Variants in UBE3A observed in about 807,000 individuals in gnomAD.
UBE3A encodes the protein ubiquitin-protein ligase E3A.
Under a neutral mutation model 83.4 loss-of-function variants are expected in UBE3A, and 6 were observed. The observed-to-expected ratio is 0.07, with a 90% CI of 0.04 to 0.14. The LOEUF is 0.14. Ranked by LOEUF, UBE3A falls within the 10% of genes least tolerant of loss-of-function variation. The pLI, the probability that UBE3A is intolerant of heterozygous loss-of-function variation, is 1.00. For missense variants in UBE3A, 456 were observed against 1,036.1 expected, an observed-to-expected ratio of 0.44 and a Z score of 7.69; for synonymous variants, 337 against 355.4, an observed-to-expected ratio of 0.95 and a Z score of 0.58.
At chr15:25,352,926 A>G (rs1335457131) in intron 11 of UBE3A, among the ~76,000 whole-genome samples, 1 of 152,160 alleles carries the variant, frequency 6.6e-6, no homozygotes, top group East Asian at 1.9e-4. Context: ...CCAAGTAGGG[A>G]TTATGTTGTT....
intron 1 of UBE3A, among the ~76,000 whole-genome samples, chr15:25,430,185 TA>T (rs1892913714): frequency 2.5e-4 from 1 of 3,964 alleles, no homozygotes; most frequent in Non-Finnish European, 4.8e-4. Context: ...ATTATATATA[TA>T]ATACATATAT....
chr15:25,346,193 C>G (rs543514677), intron 11 of UBE3A: 2 of 152,408 alleles, frequency 1.3e-5, no homozygotes, highest in East Asian at 3.9e-4. Flanking sequence ...CTCCAGCCCA[C>G]GAAAATCTAG....
chr15:25,390,991 T>C (rs1370364299), intron 4 of UBE3A, among the ~76,000 whole-genome samples: 1 of 151,944 alleles, frequency 6.6e-6, no homozygotes, highest in Non-Finnish European at 1.5e-5. Context: ...CCAGTAATCC[T>C]ACACCTGGGT....
intron 6 of UBE3A, among the ~76,000 whole-genome samples, chr15:25,363,650 T>C (rs2078508957): frequency 6.6e-6 from 1 of 152,196 alleles, no homozygotes; most frequent in African/African-American, 2.4e-5. Context: ...CTCACTCTCT[T>C]CAATGACGAC....
intron 1 of UBE3A, among the ~76,000 whole-genome samples, chr15:25,419,967 A>C (rs1888947621): frequency 6.6e-6 from 1 of 152,142 alleles, no homozygotes; most frequent in Non-Finnish European, 1.5e-5. Flanking sequence ...AGAAGGCAGA[A>C]AAGGAAGAAA....
At chr15:25,374,600 T>TTATA (rs1446388690) in intron 5 of UBE3A, 5 of 152,172 alleles carry the variant, frequency 3.3e-5, no homozygotes, top group Non-Finnish European at 5.9e-5. Context: ...AGAGTAGAGG[T>TTATA]TATAACACAA....
chr15:25,403,526 G>A (rs1276819800), intron 4 of UBE3A, among the ~76,000 whole-genome samples: 2 of 152,002 alleles, frequency 1.3e-5, no homozygotes, highest in African/African-American at 4.8e-5. Flanking sequence ...ACGCAAATAG[G>A]TACAGTTGCT....
intron 1 of UBE3A, among the ~76,000 whole-genome samples, chr15:25,412,800 T>C (rs1174345335): frequency 6.6e-6 from 1 of 152,170 alleles, no homozygotes; most frequent in East Asian, 1.9e-4. Flanking sequence ...TGAAATAAAA[T>C]TAACCAACTT....
Position 25,354,413 on chromosome 15 carries a change from T to C in UBE3A, c.2294A>G (p.Gln765Arg), listed in dbSNP as rs574852534. 6.2e-7 allele frequency: 1 copy of C among 1,614,000 alleles called. No homozygotes were observed. Among genetic ancestry groups the C allele is most frequent in the East Asian group, 2.2e-5 (1 of 44,836 alleles). The change falls in exon 11 of 13, where the codon CAA (glutamine) becomes CGA (arginine). Residue 765 changes from glutamine (Q) to arginine (R), a missense_variant. By Grantham distance (43) the Gln-to-Arg change is conservative. Transcript: ENST00000648336. Reference protein sequence around the residue: ...LICGSRNLDFQALEETTEYDG... With the variant: ...LICGSRNLDFRALEETTEYDG... ...ATATTCTGTAGTTTCTTCTAGTGCT[T>C]GGAAATCTAGATTCTGCAAATTCAA...
intron 5 of UBE3A, among the ~76,000 whole-genome samples, chr15:25,373,112 T>G (rs1194020538): frequency 1.3e-5 from 2 of 152,190 alleles, no homozygotes; most frequent in African/African-American, 2.4e-5. Context: ...TATAAGCATC[T>G]TTTGCTAAAC....
At position 25,356,954 on chromosome 15, in the gene UBE3A, A is replaced by C. The variant is rs10519485; in HGVS notation, c.1754-58T>G. 29,241 of 1,359,076 alleles carry C rather than the reference A, an allele frequency of 0.022. 462 individuals are homozygous for C. Among genetic ancestry groups the C allele is most frequent in the Non-Finnish European group, 0.024 (23,157 of 962,210 alleles). 84.2% of individuals were successfully genotyped at this position (1,359,076 alleles called of 1,614,324 possible). On this transcript the variant is annotated intron_variant, in intron 7 of 12. Coordinates refer to ENST00000648336, the MANE Select transcript of UBE3A (RefSeq NM_130839.5). ...TTTGTATTTTATTAAGGACTGATGA[A>C]TAATACAAATATAAACTTAAAATAA...
chr15:25,352,329 C>T (rs1054326478), intron 11 of UBE3A, among the ~76,000 whole-genome samples: 1 of 152,066 alleles, frequency 6.6e-6, no homozygotes, highest in African/African-American at 2.4e-5. Context: ...TAAATAAATA[C>T]CAACCAAAAT....
chr15:25,422,586 C>G (rs1227968428), intron 1 of UBE3A, among the ~76,000 whole-genome samples: 4 of 151,994 alleles, frequency 2.6e-5, no homozygotes, highest in African/African-American at 9.7e-5. Context: ...CAGATCTAAA[C>G]CATATCATAC....
chr15:25,387,395 G>A (rs1386457276), intron 4 of UBE3A, among the ~76,000 whole-genome samples: 3 of 152,022 alleles, frequency 2.0e-5, no homozygotes, highest in Non-Finnish European at 1.5e-5. Context: ...GGTGGCAGGC[G>A]CCTGTAGTCC....
rs1472534952 is a variant in UBE3A, at chr15:25,336,653, T to C, written c.*2484A>G. The stretch of plus-strand genomic sequence containing the variant: ...GGATGACCAGCTCATTTGCTGGAGC[T>C]GCCAAGGTCCAGAAAAGTTTGGCTG... On this transcript the variant is annotated 3_prime_UTR_variant, in exon 13 of 13. Transcript: ENST00000648336. 1 of 152,246 alleles carries C rather than the reference T, an allele frequency of 6.6e-6. No homozygotes were observed. 9.4% of individuals were successfully genotyped at this position (152,246 alleles called of 1,614,324 possible).
chr15:25,375,178 A>G (rs145824911), intron 5 of UBE3A: 10 of 368,994 alleles, frequency 2.7e-5, no homozygotes, highest in African/African-American at 1.7e-4. Flanking sequence ...GTTGTGGCCT[A>G]GTTTTGGAGA....
intron 12 of UBE3A, chr15:25,339,779 C>CA (rs2152511842): frequency 2.6e-6 from 1 of 391,870 alleles, no homozygotes; most frequent in East Asian, 5.9e-5. Flanking sequence ...TCAATGTAAC[C>CA]ATTCTAAATA....
At chr15:25,431,338 A>C (rs1893389952) in intron 1 of UBE3A, among the ~76,000 whole-genome samples, 1 of 151,940 alleles carries the variant, frequency 6.6e-6, no homozygotes, top group Non-Finnish European at 1.5e-5. Context: ...TAAACAGCAT[A>C]TTTTCTTTTC....
intron 1 of UBE3A, among the ~76,000 whole-genome samples, chr15:25,420,071 G>A (rs1298292372): frequency 1.3e-5 from 2 of 152,028 alleles, no homozygotes; most frequent in Non-Finnish European, 2.9e-5. Context: ...AGCAACGATC[G>A]TAAAAAGTCA....
Sources: gnomAD v4.1 joint callset for allele counts (sites outside exome capture counted in the v4.1 genomes callset) on GRCh38, gnomAD v4.1.1 for gene constraint, MANE v1.5 for transcripts, NCBI Gene and HGNC (gene_info 2026-07-23, HGNC 2026-07-21) for gene names.